Variants in RTTN observed in about 807,000 individuals in gnomAD.
The protein encoded by RTTN is rotatin.
Under a neutral mutation model 269.2 loss-of-function variants are expected in RTTN, and 182 were observed. The ratio of observed to expected loss-of-function variants is 0.68; its 90% CI spans 0.60 to 0.76. The LOEUF is 0.76. Ranked by LOEUF, RTTN falls within the 30% of genes least tolerant of loss-of-function variation. The pLI, the probability that RTTN is intolerant of heterozygous loss-of-function variation, is 0.00. For missense variants in RTTN, 2,545 were observed against 2,608.6 expected (o/e 0.98, Z 0.53); for synonymous variants, 1,006 against 963.5 (o/e 1.04, Z -0.82).
At chr18:70,068,891 C>A (rs11151562) in intron 34 of RTTN, among the ~76,000 whole-genome samples, 85 of 152,238 alleles carry the variant, frequency 5.6e-4, no homozygotes, top group African/African-American at 1.7e-3. Context: ...ATATTTCTAG[C>A]CTTATTACTT....
At chr18:70,148,700 T>C (rs1024728646) in intron 17 of RTTN, among the ~76,000 whole-genome samples, 2 of 152,198 alleles carry the variant, frequency 1.3e-5, no homozygotes, top group African/African-American at 2.4e-5. Context: ...AAGGAATAAC[T>C]TGGCTGTAAA....
At chr18:70,122,350 A>T (rs1056060475) in intron 25 of RTTN, among the ~76,000 whole-genome samples, 23 of 151,986 alleles carry the variant, frequency 1.5e-4, no homozygotes, top group African/African-American at 4.1e-4. Context: ...CGTTTTTTTT[A>T]AAAAGCAATC....
intron 42 of RTTN, 98 bp downstream of exon 42, chr18:70,029,914 A>T (rs2056963576): frequency 1.2e-6 from 1 of 814,312 alleles, no homozygotes; most frequent in East Asian, 2.5e-5. Context: ...CCTTTCTTCT[A>T]AATGAGACAC....
Position 70,201,607 on chromosome 18 carries a change from CAAAAAAAAAA to C in RTTN, c.487+277_487+286del, listed in dbSNP as rs34966295. ...TGGGCGACAGAGCGAGACTCCATCT[CAAAAAAAAAA>C]AAAAAAAAAAAAAAAAACTCATGTT... On this transcript the variant is annotated intron_variant, in intron 4 of 48. Transcript: ENST00000640769. Among the ~76,000 whole-genome samples the C allele has an allele frequency of 2.9e-4, 12 of 41,008 alleles. No homozygotes were observed. The East Asian group carries it at 5.1e-3, about 17-fold the overall frequency. The allele number at this position is 41,008 out of a possible 152,430, so 26.9% of individuals were successfully genotyped here.
In RTTN at chr18:70,197,728, T is replaced by TTA. The variant is rs1568557149; in HGVS notation, c.588_589insTA (p.Ser197Ter). ...TTCCAGATTAAAGTGTGGTTACTAC[T>TTA]TCTTAAAGAGCTACAAAACATAGCG... On this transcript the variant is annotated frameshift_variant, in exon 6 of 49. Transcript: ENST00000640769. LOFTEE classifies it high-confidence loss of function. 1 of 1,587,000 alleles carries TTA rather than the reference T, an allele frequency of 6.3e-7. No individual in the cohort carries two copies. The highest frequency in any genetic ancestry group is 1.1e-5 in the South Asian group (1 of 90,482).
At chr18:70,101,155 T>C (rs549122672) in intron 28 of RTTN, among the ~76,000 whole-genome samples, 5 of 152,306 alleles carry the variant, frequency 3.3e-5, no homozygotes, top group African/African-American at 1.2e-4. Context: ...GGAATGGTAC[T>C]AGCTCCTCTT....
chr18:70,201,316 T>TG, intron 4 of RTTN, among the ~76,000 whole-genome samples: 1 of 152,172 alleles, frequency 6.6e-6, no homozygotes, highest in Middle Eastern at 3.4e-3. Flanking sequence ...AAAAAACTCA[T>TG]GTTCGGCCGG....
chr18:70,186,009 G>A (rs1403728987), intron 10 of RTTN, among the ~76,000 whole-genome samples: 1 of 148,808 alleles, frequency 6.7e-6, no homozygotes, highest in Non-Finnish European at 1.5e-5. Flanking sequence ...ATAATCATCA[G>A]TCACTAGGGA....
At chr18:70,201,454 A>G (rs2061943632) in intron 4 of RTTN, among the ~76,000 whole-genome samples, 1 of 151,676 alleles carries the variant, frequency 6.6e-6, no homozygotes, top group South Asian at 2.1e-4. Context: ...TAAAAATACA[A>G]AAAATTAGCT....
intron 4 of RTTN, 110 bp downstream of exon 4, chr18:70,201,784 G>T: frequency 3.1e-6 from 2 of 640,554 alleles, no homozygotes; most frequent in Non-Finnish European, 2.8e-6. Context: ...ATGATAGTTT[G>T]GTGCTGAAAC....
At chr18:70,018,148 T>C (rs980697445) in intron 45 of RTTN, among the ~76,000 whole-genome samples, 2 of 152,190 alleles carry the variant, frequency 1.3e-5, no homozygotes, top group African/African-American at 4.8e-5. Context: ...TTTTATCAAA[T>C]CTATAGATAC....
At chr18:70,193,688 TACA>T (rs766123396) in intron 7 of RTTN, among the ~76,000 whole-genome samples, 15 of 152,212 alleles carry the variant, frequency 9.9e-5, no homozygotes, top group East Asian at 7.7e-4. Context: ...GGCATTCAGT[TACA>T]ACATTAGAGA....
chr18:70,134,449 A>C (rs757052589), intron 23 of RTTN, 24 bp downstream of exon 23: 1 of 1,538,866 alleles, frequency 6.5e-7, no homozygotes, highest in East Asian at 2.3e-5. Context: ...TCCTTCAAGA[A>C]AATCAGAGAA....
Position 70,024,642 on chromosome 18 carries a change from G to A in RTTN, c.5950+80C>T, listed in dbSNP as rs2056801727. The A allele has an allele frequency of 6.1e-6, 8 of 1,312,566 alleles. No individual in the cohort carries two copies. In the Admixed American group the frequency reaches 1.5e-4, roughly 25 times the overall value. 81.3% of individuals were successfully genotyped at this position (1,312,566 alleles called of 1,614,324 possible). A position where few individuals can be genotyped will look rare whatever the true frequency, so the allele number is the denominator to read the frequency against. On this transcript the variant is annotated intron_variant, in intron 44 of 48. Transcript: ENST00000640769. Reference sequence around the variant, plus strand: ...GAGAAATACTTCAAAATATGTATTAGTTTTTCCAGTCCACCTTAACAACAT... The same window carrying A: ...GAGAAATACTTCAAAATATGTATTAATTTTTCCAGTCCACCTTAACAACAT...
chr18:70,008,724 G>A (rs1331003708), intron 46 of RTTN: 4 of 151,478 alleles, frequency 2.6e-5, no homozygotes, highest in Non-Finnish European at 4.4e-5. Context: ...AAAAAGAAAA[G>A]GAATGAACAA....
At chr18:70,080,233 A>G (rs765395804) in intron 32 of RTTN, among the ~76,000 whole-genome samples, 4 of 152,144 alleles carry the variant, frequency 2.6e-5, no homozygotes, top group Non-Finnish European at 5.9e-5. Flanking sequence ...GTTCACTCAC[A>G]GGACATAGAA....
intron 44 of RTTN, among the ~76,000 whole-genome samples, chr18:70,021,383 C>T (rs972955921): frequency 6.6e-6 from 1 of 151,726 alleles, no homozygotes; most frequent in African/African-American, 2.4e-5. Context: ...CTGAATGAGA[C>T]TTATTGAGGG....
At chr18:70,074,140 TTA>T in intron 33 of RTTN, 146 bp from the exon 34 acceptor site, 1 of 461,878 alleles carries the variant, frequency 2.2e-6, no homozygotes. Flanking sequence ...AGACCACTAT[TTA>T]AAAAAAAAAA....
Position 70,051,517 on chromosome 18 carries a change from T to C in RTTN, c.5217A>G (p.Thr1739=), listed in dbSNP as rs757542914. 3 of 1,609,506 alleles carry C rather than the reference T, an allele frequency of 1.9e-6. No homozygotes were observed. Among genetic ancestry groups the C allele is most frequent in the Middle Eastern group, 1.7e-4 (1 of 6,054 alleles). Residue 1739 remains threonine, a synonymous_variant, in exon 39 of 49, where the codon ACA becomes ACG. Coordinates refer to ENST00000640769, the MANE Select transcript of RTTN (RefSeq NM_173630.4). ...CCAGAAGATTAAATAAATGTGTCCA[T>C]GTGTGATAAAAAGCTGATATTAACT... ...DKELISAFYH[T]WTHLFNLLAM... is the part of the protein sequence containing the mutation.
Sources: gnomAD v4.1 joint callset for allele counts (sites outside exome capture counted in the v4.1 genomes callset) on GRCh38, gnomAD v4.1.1 for gene constraint, MANE v1.5 for transcripts, NCBI Gene and HGNC (gene_info 2026-07-23, HGNC 2026-07-21) for gene names.